ZBTB44: variants seen among roughly 807,000 people sequenced by gnomAD.
ZBTB44 encodes the protein zinc finger and BTB domain containing 44.
ZBTB44 carries 15 observed loss-of-function variants against 54.0 expected under a neutral mutation model. That is an observed-to-expected ratio of 0.28 (90% CI 0.19 to 0.43). The LOEUF is 0.43. Ranked by LOEUF, ZBTB44 falls within the 20% of genes least tolerant of loss-of-function variation. The pLI, the probability that ZBTB44 is intolerant of heterozygous loss-of-function variation, is 1.00. For synonymous variants in ZBTB44, 230 were observed against 250.1 expected, an observed-to-expected ratio of 0.92 and a Z score of 0.76; for missense variants, 487 against 707.1, an observed-to-expected ratio of 0.69 and a Z score of 3.53.
At chr11:130,260,766 T>G in intron 2 of ZBTB44, 90 bp downstream of exon 2, 1 of 1,396,350 alleles carries the variant, frequency 7.2e-7, no homozygotes, top group Non-Finnish European at 9.5e-7. Context: ...ATTTCCTATA[T>G]GACCGAGCAC....
chr11:130,242,222 A>T lies in ZBTB44; in HGVS notation c.1019-2326T>A, dbSNP rs77166897. On this transcript the variant is annotated intron_variant, in intron 2 of 7. Transcript: ENST00000357899. ...ATTGGTTGCCTTAGAAATTAGAGAT[A>T]TACTTTGTTTACCAAAGTCTAAAGT... Among the ~76,000 whole-genome samples the T allele has an allele frequency of 2.7e-3, 414 of 152,358 alleles. 5 individuals carry two copies. The highest frequency in any genetic ancestry group is 9.6e-3 in the African/African-American group (399 of 41,584).
chr11:130,284,057 G>C (rs926664598), intron 1 of ZBTB44, among the ~76,000 whole-genome samples: 6 of 150,958 alleles, frequency 4.0e-5, no homozygotes, highest in African/African-American at 1.5e-4. Context: ...GGGAGGCTGA[G>C]GTGGGCAGAT....
At chr11:130,307,590 G>A (rs1408153389) in intron 1 of ZBTB44, among the ~76,000 whole-genome samples, 2 of 152,134 alleles carry the variant, frequency 1.3e-5, no homozygotes. Context: ...AAAGGAAAAT[G>A]ATATACAATC....
chr11:130,274,876 T>C (rs1939946602), intron 1 of ZBTB44, among the ~76,000 whole-genome samples: 1 of 152,186 alleles, frequency 6.6e-6, no homozygotes, highest in Admixed American at 6.5e-5. Context: ...CCACATAAAA[T>C]GATATGGGAA....
rs1033764306 is a variant in ZBTB44 at position 130,228,398 on chromosome 11, A to G, written c.*3366T>C. The G allele has an allele frequency of 6.6e-6, 1 of 152,222 alleles. No individual in the cohort carries two copies. The highest frequency in any genetic ancestry group is 1.5e-5 in the Non-Finnish European group (1 of 68,036). 9.4% of individuals were successfully genotyped at this position (152,222 alleles called of 1,614,324 possible). Reference sequence around the variant, plus strand: ...AGTGCAACTTTCAACAATTTAATGGACTACTCTCATTATGAGAGACTTTAC... The same window carrying G: ...AGTGCAACTTTCAACAATTTAATGGGCTACTCTCATTATGAGAGACTTTAC... On this transcript the variant is annotated 3_prime_UTR_variant, in exon 8 of 8. Transcript: ENST00000357899.
intron 1 of ZBTB44, among the ~76,000 whole-genome samples, chr11:130,311,716 C>T (rs186419505): frequency 4.6e-4 from 70 of 152,272 alleles, no homozygotes; most frequent in Middle Eastern, 3.4e-3. Context: ...TGCCAAACAT[C>T]CAGAACTTGG....
intron 1 of ZBTB44, among the ~76,000 whole-genome samples, chr11:130,279,786 T>C (rs189437038): frequency 1.3e-5 from 2 of 152,174 alleles, no homozygotes; most frequent in Non-Finnish European, 2.9e-5. Flanking sequence ...GTCTTTTCTA[T>C]AGTCCTCTCC....
At chr11:130,274,155 G>C (rs1468517773) in intron 1 of ZBTB44, among the ~76,000 whole-genome samples, 3 of 150,614 alleles carry the variant, frequency 2.0e-5, no homozygotes, top group Non-Finnish European at 1.5e-5. Flanking sequence ...CATGTTATTA[G>C]TTGAACATTC....
At chr11:130,293,890 C>A (rs1272059769) in intron 1 of ZBTB44, among the ~76,000 whole-genome samples, 1 of 152,074 alleles carries the variant, frequency 6.6e-6, no homozygotes, top group Non-Finnish European at 1.5e-5. Flanking sequence ...ATGAATAAGC[C>A]CTTTCTAGTT....
At chr11:130,293,306 TA>T (rs71061378) in intron 1 of ZBTB44, among the ~76,000 whole-genome samples, 97,180 of 134,728 alleles carry the variant, frequency 0.72, 35,135 homozygotes, top group Non-Finnish European at 0.79. Flanking sequence ...TACTAAAAAT[TA>T]AAAAAAAAAA....
intron 1 of ZBTB44, among the ~76,000 whole-genome samples, chr11:130,275,249 T>C (rs1473333145): frequency 1.3e-5 from 2 of 152,200 alleles, no homozygotes; most frequent in Non-Finnish European, 2.9e-5. Flanking sequence ...TCTGTAACTA[T>C]AAATTTCCCT....
chr11:130,295,746 G>A, intron 1 of ZBTB44: 1 of 1,532,386 alleles, frequency 6.5e-7, no homozygotes, highest in Admixed American at 1.7e-5. Flanking sequence ...TAAAACCCTG[G>A]CTTTTCTCAA....
At position 130,261,070 on chromosome 11, in the gene ZBTB44, A is replaced by G. The variant is rs1307133749; in HGVS notation, c.804T>C (p.Asp268=). 1 of 1,613,898 alleles carries G rather than the reference A, an allele frequency of 6.2e-7. No individual in the cohort carries two copies. The highest frequency in any genetic ancestry group is 8.5e-7 in the Non-Finnish European group (1 of 1,179,894). ...GPSETGRRMA[D]YVTCESTKTT... Reference sequence around the variant, plus strand: ...TTTTTGTGCTCTCACAAGTCACATAATCAGCCATTCTTCTACCGGTCTCAG... The same window carrying G: ...TTTTTGTGCTCTCACAAGTCACATAGTCAGCCATTCTTCTACCGGTCTCAG... Residue 268 remains aspartate (D), a synonymous_variant, in exon 2 of 8, where the codon GAT becomes GAC. Transcript: ENST00000357899. This position sits in a 1 kb window ranked among gnomAD's most constrained non-coding sequence, Gnocchi z 4.8.
chr11:130,288,417 C>A (rs1473808052), intron 1 of ZBTB44, among the ~76,000 whole-genome samples: 1 of 151,880 alleles, frequency 6.6e-6, no homozygotes, highest in African/African-American at 2.4e-5. Context: ...AAAAAAATAA[C>A]ATTTCAAGTA....
intron 1 of ZBTB44, among the ~76,000 whole-genome samples, chr11:130,274,707 A>T (rs947565088): frequency 6.6e-6 from 1 of 152,216 alleles, no homozygotes; most frequent in African/African-American, 2.4e-5. Context: ...ATCCCAGTTG[A>T]TCATGTATGA....
intron 1 of ZBTB44, among the ~76,000 whole-genome samples, chr11:130,279,711 C>T (rs140587404): frequency 2.5e-4 from 38 of 151,516 alleles, no homozygotes; most frequent in African/African-American, 9.0e-4. Context: ...TTTGAAGGAA[C>T]AGTTTGAGGT....
At chr11:130,301,749 T>C (rs1192791180) in intron 1 of ZBTB44, among the ~76,000 whole-genome samples, 1 of 152,144 alleles carries the variant, frequency 6.6e-6, no homozygotes. Context: ...CCATTTTATA[T>C]TAAAAGTAGT....
Position 130,314,565 on chromosome 11 carries a change from T to G in ZBTB44, c.-247A>C, listed in dbSNP as rs1474897042. 0.089 allele frequency: 52 copies of G among 586 alleles called. No homozygotes were observed. Among genetic ancestry groups the G allele is most frequent in the African/African-American group, 0.33 (52 of 156 alleles). The allele number at this position is 586 out of a possible 1,614,324, so 0.0% of individuals were successfully genotyped here. On this transcript the variant is annotated 5_prime_UTR_variant, in exon 1 of 8. Transcript: ENST00000357899. ...CGCGCCTAGGCCCGTGAGCAGCCTG[T>G]GGTGGGGCATGGCGGCACAGCCACC...
intron 6 of ZBTB44, chr11:130,233,847 CAG>C (rs1182560524): frequency 8.5e-7 from 1 of 1,174,156 alleles, no homozygotes; most frequent in African/African-American, 1.6e-5. Context: ...TTTCAGGGCT[CAG>C]AAAGTAAAAA....
Sources: allele counts gnomAD v4.1 joint callset (sites outside exome capture counted in the v4.1 genomes callset), GRCh38; gene constraint gnomAD v4.1.1; non-coding constraint Gnocchi (gnomAD v3.1); transcripts MANE v1.5; gene names NCBI Gene and HGNC (gene_info 2026-07-23, HGNC 2026-07-21).